RALGPS2: variants seen among roughly 807,000 people sequenced by gnomAD.
RALGPS2 encodes the protein Ral GEF with PH domain and SH3 binding motif 2, also known as ras-specific guanine nucleotide-releasing factor RalGPS2.
RALGPS2 carries 43 observed loss-of-function variants against 86.8 expected under a neutral mutation model. That is an observed-to-expected ratio of 0.50 (90% CI 0.39 to 0.64). The LOEUF (loss-of-function observed/expected upper bound fraction) is 0.64. Among genes scored for constraint, RALGPS2 ranks in the 30% least tolerant of loss-of-function variants. The pLI is 0.00. For synonymous variants in RALGPS2, 243 were observed against 231.3 expected, an observed-to-expected ratio of 1.05 and a Z score of -0.46; for missense variants, 536 against 694.6, an observed-to-expected ratio of 0.77 and a Z score of 2.57.
intron 4 of RALGPS2, 120 bp downstream of exon 4, chr1:178,785,727 A>G (rs1254028124): frequency 7.7e-7 from 1 of 1,302,444 alleles, no homozygotes; most frequent in Non-Finnish European, 1.0e-6. Context: ...CTTGTGTTGT[A>G]ACTTATCTAC....
chr1:178,778,224 G>A (rs1236020315), intron 2 of RALGPS2, among the ~76,000 whole-genome samples: 1 of 95,078 alleles, frequency 1.1e-5, no homozygotes, highest in Admixed American at 1.2e-4. Flanking sequence ...CCATCAAAAA[G>A]TGGGCGAAGG....
At position 178,728,513 on chromosome 1, in the gene RALGPS2, A is replaced by T. The variant is rs190405780; in HGVS notation, c.-84+3094A>T. On this transcript the variant is annotated intron_variant, in intron 1 of 19. Coordinates refer to ENST00000367635, the MANE Select transcript of RALGPS2 (RefSeq NM_152663.5). ...ATTGAAGTGTATCCATTTTTTGAAT[A>T]TGAGATATTTATTGTGTAACGACTG... Among the ~76,000 whole-genome samples, 134 of 150,914 alleles carry T rather than the reference A, an allele frequency of 8.9e-4. No individual in the cohort carries two copies. The East Asian group carries it at 0.01, about 12-fold the overall frequency.
chr1:178,781,006 AAT>A (rs1163441623), intron 2 of RALGPS2, among the ~76,000 whole-genome samples: 2 of 151,426 alleles, frequency 1.3e-5, no homozygotes, highest in Non-Finnish European at 2.9e-5. Context: ...ATATTTCTTG[AAT>A]ATGTTATATA....
At chr1:178,741,025 CATATATGTA>C in intron 1 of RALGPS2, among the ~76,000 whole-genome samples, 1 of 152,234 alleles carries the variant, frequency 6.6e-6, no homozygotes, top group African/African-American at 2.4e-5. Flanking sequence ...TAAATAGTAT[CATATATGTA>C]ATGATATTTG....
rs1300864774 is a variant in RALGPS2, at chr1:178,782,666, A to C, written c.58-1752A>C. ...CCAGCAACCCCTCAAATACACACAC[A>C]CACCCTGCCTTCCCCCACCACATCA... On this transcript the variant is annotated intron_variant, in intron 2 of 19. Transcript: ENST00000367635. Among the ~76,000 whole-genome samples, 5 of 151,892 alleles carry C rather than the reference A, an allele frequency of 3.3e-5. No homozygotes were observed. In the East Asian group the frequency reaches 9.7e-4, roughly 29 times the overall value.
chr1:178,753,962 G>A (rs2102050442), intron 1 of RALGPS2, among the ~76,000 whole-genome samples: 1 of 152,088 alleles, frequency 6.6e-6, no homozygotes, highest in Middle Eastern at 3.4e-3. Context: ...CTCCCGAGTA[G>A]TTGGGACTAC....
intron 3 of RALGPS2, 83 bp from the exon 4 acceptor site, chr1:178,785,474 T>TA (rs1363216158): frequency 2.2e-6 from 3 of 1,391,086 alleles, no homozygotes; most frequent in Non-Finnish European, 2.9e-6. Flanking sequence ...AATATTTTAG[T>TA]ATAGAATATA....
chr1:178,748,894 G>A (rs943261112), intron 1 of RALGPS2, among the ~76,000 whole-genome samples: 1 of 151,000 alleles, frequency 6.6e-6, no homozygotes, highest in African/African-American at 2.4e-5. Context: ...GGGTGACTAA[G>A]TATGTTCCCT....
chr1:178,818,067 G>T (rs1655320450), intron 6 of RALGPS2, among the ~76,000 whole-genome samples: 1 of 152,102 alleles, frequency 6.6e-6, no homozygotes, highest in African/African-American at 2.4e-5. Flanking sequence ...AGAATGAGAA[G>T]CTGATTTTTC....
chr1:178,913,265 G>C (rs7515913), intron 19 of RALGPS2, among the ~76,000 whole-genome samples: 3,683 of 150,208 alleles, frequency 0.025, 147 homozygotes, highest in African/African-American at 0.085. Context: ...CTGGGCAACA[G>C]AGCAAGACTC....
At chr1:178,789,655 AAATAATAAG>A (rs1372630075) in intron 4 of RALGPS2, among the ~76,000 whole-genome samples, 1 of 152,186 alleles carries the variant, frequency 6.6e-6, no homozygotes, top group Non-Finnish European at 1.5e-5. Context: ...TCCAGTCTAG[AAATAATAAG>A]TTTAGGAGAT....
chr1:178,830,890 TAAC>T (rs1170791383), intron 7 of RALGPS2, among the ~76,000 whole-genome samples: 1 of 151,872 alleles, frequency 6.6e-6, no homozygotes, highest in African/African-American at 2.4e-5. Context: ...CCAGAACTCT[TAAC>T]AACGAAAAAA....
Position 178,892,428 on chromosome 1 carries a change from A to C in RALGPS2, c.1325+121A>C, listed in dbSNP as rs1659755842. Reference sequence around the variant, plus strand: ...CAACTAATTGATTTAAAAACTAAACAAATTACCTAGAAAAACTTTCTTTCC... The same window carrying C: ...CAACTAATTGATTTAAAAACTAAACCAATTACCTAGAAAAACTTTCTTTCC... On this transcript the variant is annotated intron_variant, in intron 15 of 19. Coordinates refer to ENST00000367635, the MANE Select transcript of RALGPS2 (RefSeq NM_152663.5). 3 of 768,324 alleles carry C rather than the reference A, an allele frequency of 3.9e-6. No homozygotes were observed. The East Asian group carries it at 8.3e-5, about 21-fold the overall frequency. 47.6% of individuals were successfully genotyped at this position (768,324 alleles called of 1,614,324 possible).
rs750398318 is a variant in RALGPS2 at position 178,883,542 on chromosome 1, G to A, written c.904+9G>A. 7.5e-6 allele frequency: 12 copies of A among 1,601,432 alleles called. No homozygotes were observed. The highest frequency in any genetic ancestry group is 4.5e-5 in the East Asian group (2 of 44,816). On this transcript the variant is annotated intron_variant, in intron 11 of 19. Coordinates refer to ENST00000367635, the MANE Select transcript of RALGPS2 (RefSeq NM_152663.5). ...CAGAGAAGATTTAGTAGGTCAGTACGTAGTTTTCTCTTGTTACCAAATCTA... is the reference window on the plus strand; with the variant it reads ...CAGAGAAGATTTAGTAGGTCAGTACATAGTTTTCTCTTGTTACCAAATCTA...
intron 4 of RALGPS2, among the ~76,000 whole-genome samples, chr1:178,794,504 A>G (rs370213178): frequency 6.6e-6 from 1 of 152,292 alleles, no homozygotes; most frequent in East Asian, 1.9e-4. Context: ...GCTTGACTGT[A>G]TTCTGAAGGT....
chr1:178,733,291 C>A (rs961305998), intron 1 of RALGPS2, among the ~76,000 whole-genome samples: 1 of 152,160 alleles, frequency 6.6e-6, no homozygotes, highest in Non-Finnish European at 1.5e-5. Flanking sequence ...GCAAGTAACA[C>A]ACTGGAAAAG....
At chr1:178,747,354 T>A in intron 1 of RALGPS2, 1 of 1,536,948 alleles carries the variant, frequency 6.5e-7, no homozygotes, top group Non-Finnish European at 9.0e-7. Flanking sequence ...TCACCACTAT[T>A]GATATTTTCT....
intron 19 of RALGPS2, among the ~76,000 whole-genome samples, chr1:178,910,807 G>A (rs535622308): frequency 6.6e-6 from 1 of 152,100 alleles, no homozygotes; most frequent in African/African-American, 2.4e-5. Flanking sequence ...TTTCTTTCTC[G>A]ATTTTTCGGA....
chr1:178,740,414 A>C (rs954310348), intron 1 of RALGPS2, among the ~76,000 whole-genome samples: 1 of 152,216 alleles, frequency 6.6e-6, no homozygotes, highest in Non-Finnish European at 1.5e-5. Flanking sequence ...TAATCCATCA[A>C]CCACCTGGGA....
Sources: gnomAD v4.1 joint callset for allele counts (sites outside exome capture counted in the v4.1 genomes callset) on GRCh38, gnomAD v4.1.1 for gene constraint, MANE v1.5 for transcripts, NCBI Gene and HGNC (gene_info 2026-07-23, HGNC 2026-07-21) for gene names.